The following PARN variants were observed in gnomAD, a reference collection of about 807,000 sequenced individuals.
PARN encodes the protein poly(A)-specific ribonuclease.
PARN carries 71 observed loss-of-function variants against 102.8 expected under a neutral mutation model. The observed-to-expected ratio is 0.69, with a 90% CI of 0.57 to 0.84. The LOEUF (loss-of-function observed/expected upper bound fraction) is 0.84, where lower values mean the gene tolerates loss of function less well. PARN is among the 40% of genes least tolerant of loss of function. The pLI, the probability that PARN is intolerant of heterozygous loss-of-function variation, is 0.00. For missense variants in PARN, 782 were observed against 760.9 expected (o/e 1.03, Z -0.33); for synonymous variants, 261 against 252.9 (o/e 1.03, Z -0.30).
chr16:14,528,922 C>G (rs1966162165), intron 21 of PARN, among the ~76,000 whole-genome samples: 1 of 152,182 alleles, frequency 6.6e-6, no homozygotes, highest in Non-Finnish European at 1.5e-5. Context: ...GAGTTTTCCT[C>G]TAGGTAGAGA....
chr16:14,500,922 A>C (rs923432207), intron 21 of PARN, among the ~76,000 whole-genome samples: 6 of 152,304 alleles, frequency 3.9e-5, no homozygotes, highest in Admixed American at 3.3e-4. Context: ...GGCTACATAC[A>C]TCCAGATCTG....
intron 18 of PARN, chr16:14,558,249 A>G (rs975209552): frequency 6.6e-6 from 1 of 152,224 alleles, no homozygotes; most frequent in Non-Finnish European, 1.5e-5. Flanking sequence ...CCTGGCCAAC[A>G]CGGTGAAACC....
chr16:14,439,375 C>CA lies in PARN; in HGVS notation c.1865-2604dup, dbSNP rs58385541. On this transcript the variant is annotated intron_variant, in intron 23 of 23. Coordinates refer to ENST00000437198, the MANE Select transcript of PARN (RefSeq NM_002582.4). Reference sequence around the variant, plus strand: ...TGGGTGACAGAGTGAAACTGTCGCACAAAAAAAAAAAAAAAAATAGAGGGA... The same window carrying CA: ...TGGGTGACAGAGTGAAACTGTCGCACAAAAAAAAAAAAAAAAAATAGAGGGA... Among the ~76,000 whole-genome samples the CA allele has an allele frequency of 2.8e-3, 256 of 90,580 alleles. 2 individuals carry two copies. Among genetic ancestry groups the CA allele is most frequent in the East Asian group, 7.1e-3 (20 of 2,810 alleles). 59.4% of individuals were successfully genotyped at this position (90,580 alleles called of 152,430 possible). A position where few individuals can be genotyped will look rare whatever the true frequency, so the allele number is the denominator to read the frequency against.
chr16:14,471,060 G>A (rs948318846), intron 22 of PARN, among the ~76,000 whole-genome samples: 1 of 152,210 alleles, frequency 6.6e-6, no homozygotes, highest in African/African-American at 2.4e-5. Flanking sequence ...TAGGATTACA[G>A]GTATGAGCTA....
chr16:14,553,960 A>G, intron 20 of PARN, 105 bp downstream of exon 20: 3 of 692,360 alleles, frequency 4.3e-6, no homozygotes, highest in Non-Finnish European at 7.4e-6. Context: ...AACCTTGAAT[A>G]TTAACATTCT....
intron 21 of PARN, among the ~76,000 whole-genome samples, chr16:14,533,257 C>T (rs990875180): frequency 6.6e-6 from 1 of 152,116 alleles, no homozygotes; most frequent in African/African-American, 2.4e-5. Flanking sequence ...AATATGAAAA[C>T]CAGTCAGGCG....
intron 6 of PARN, among the ~76,000 whole-genome samples, chr16:14,614,758 G>T (rs1971765859): frequency 7.3e-6 from 1 of 137,444 alleles, no homozygotes; most frequent in Non-Finnish European, 1.5e-5. Context: ...TGAGGCAGGA[G>T]AATCACTTGA....
chr16:14,514,779 CT>C (rs1166735607), intron 21 of PARN, among the ~76,000 whole-genome samples: 1 of 152,216 alleles, frequency 6.6e-6, no homozygotes, highest in African/African-American at 2.4e-5. Flanking sequence ...GCCAGCTTGT[CT>C]TCCAGCTTCC....
intron 23 of PARN, 134 bp from the exon 24 acceptor site, chr16:14,436,906 G>A (rs1960731189): frequency 6.0e-6 from 4 of 666,104 alleles, no homozygotes; most frequent in East Asian, 5.4e-5. Context: ...AAACAGCTGC[G>A]CTGGAAAGAG....
In PARN at chr16:14,580,897, T is replaced by C; in HGVS notation, c.1239A>G (p.Lys413=). 6 of 1,608,910 alleles carry C rather than the reference T, an allele frequency of 3.7e-6. No homozygotes were observed. The highest frequency in any genetic ancestry group is 5.1e-6 in the Non-Finnish European group (6 of 1,175,692). ...PPKIHVSARS[K]LIEPFFNKLF... ...ACTTGTTAAAAAAAGGTTCAATGAG[T>C]TTTGATCTGGCAGACACATGAATTT... The change falls in exon 18 of 24, where the codon AAA becomes AAG. Residue 413 remains lysine (K), a synonymous_variant. Coordinates refer to ENST00000437198, the MANE Select transcript of PARN (RefSeq NM_002582.4).
At position 14,509,850 on chromosome 16, in the gene PARN, T is replaced by C. The variant is rs1032945163; in HGVS notation, c.1481-27023A>G. On this transcript the variant is annotated intron_variant, in intron 21 of 23. Transcript: ENST00000437198. ...TTCTTTTAGTAGAAAAGGAAGATAA[T>C]GGGTAAGTGTCCTTGTTATTGCTTT... Among the ~76,000 whole-genome samples, 6 of 152,340 alleles carry C rather than the reference T, an allele frequency of 3.9e-5. No homozygotes were observed. The South Asian group carries it at 6.2e-4, about 16-fold the overall frequency.
intron 22 of PARN, among the ~76,000 whole-genome samples, chr16:14,470,784 CAT>C (rs1176430205): frequency 1.3e-5 from 2 of 151,938 alleles, no homozygotes; most frequent in Non-Finnish European, 2.9e-5. Flanking sequence ...TTAAAAAATA[CAT>C]ATAGATATTT....
chr16:14,465,051 A>G (rs1461762008), intron 22 of PARN, among the ~76,000 whole-genome samples: 1 of 152,198 alleles, frequency 6.6e-6, no homozygotes, highest in African/African-American at 2.4e-5. Context: ...GGGTAAATAG[A>G]TAAGATTTCT....
At chr16:14,467,823 C>T (rs377210490) in intron 22 of PARN, among the ~76,000 whole-genome samples, 3 of 152,182 alleles carry the variant, frequency 2.0e-5, no homozygotes, top group Admixed American at 6.5e-5. Context: ...ATTCCTAACA[C>T]GACTTTATAC....
chr16:14,622,287 C>T (rs1972358196), intron 5 of PARN, among the ~76,000 whole-genome samples: 1 of 152,212 alleles, frequency 6.6e-6, no homozygotes, highest in African/African-American at 2.4e-5. Flanking sequence ...TCCTATGTCT[C>T]AACAACTCTC....
intron 23 of PARN, among the ~76,000 whole-genome samples, chr16:14,439,466 C>T (rs1369147350): frequency 6.6e-6 from 1 of 151,386 alleles, no homozygotes; most frequent in Non-Finnish European, 1.5e-5. Context: ...TACTTAAAAA[C>T]ACCTGCCTTT....
intron 21 of PARN, 93 bp from the exon 22 acceptor site, chr16:14,482,920 G>C (rs1963463395): frequency 9.2e-7 from 1 of 1,086,448 alleles, no homozygotes; most frequent in African/African-American, 1.6e-5. Context: ...GGTGGTCAAA[G>C]GAGCCCCATC....
chr16:14,486,885 G>A (rs1963730707), intron 21 of PARN, among the ~76,000 whole-genome samples: 1 of 152,246 alleles, frequency 6.6e-6, no homozygotes, highest in South Asian at 2.1e-4. Context: ...AATGATTCAA[G>A]GCAATCTATC....
chr16:14,506,517 C>G (rs1964902303), intron 21 of PARN, among the ~76,000 whole-genome samples: 1 of 152,178 alleles, frequency 6.6e-6, no homozygotes, highest in South Asian at 2.1e-4. Flanking sequence ...TAAAATACTT[C>G]TAAGCAAACT....
Sources: gnomAD v4.1 joint callset for allele counts (sites outside exome capture counted in the v4.1 genomes callset) on GRCh38, gnomAD v4.1.1 for gene constraint, MANE v1.5 for transcripts, NCBI Gene and HGNC (gene_info 2026-07-23, HGNC 2026-07-21) for gene names.